KLHL5: variants seen among roughly 807,000 people sequenced by gnomAD.
KLHL5 encodes kelch like family member 5, also known as kelch-like protein 5.
KLHL5 carries 48 observed loss-of-function variants against 77.7 expected under a neutral mutation model. The ratio of observed to expected loss-of-function variants is 0.62; its 90% CI spans 0.49 to 0.79. The LOEUF is 0.79. Ranked by LOEUF, KLHL5 falls within the 30% of genes least tolerant of loss-of-function variation. The pLI, the probability that KLHL5 is intolerant of heterozygous loss-of-function variation, is 0.00. For synonymous variants in KLHL5, 260 were observed against 297.0 expected (o/e 0.88, Z 1.28); for missense variants, 723 against 859.7 (o/e 0.84, Z 1.99).
chr4:39,117,126 T>C (rs908763199), intron 10 of KLHL5, among the ~76,000 whole-genome samples: 3 of 152,070 alleles, frequency 2.0e-5, no homozygotes, highest in Admixed American at 2.0e-4. Flanking sequence ...TGAGCCACCA[T>C]GCCCAGCCCC....
chr4:39,074,369 T>C (rs1381853683), intron 1 of KLHL5, among the ~76,000 whole-genome samples: 1 of 152,218 alleles, frequency 6.6e-6, no homozygotes, highest in Non-Finnish European at 1.5e-5. Flanking sequence ...ATGTGAGTGT[T>C]CTTGCTTGAG....
intron 8 of KLHL5, among the ~76,000 whole-genome samples, chr4:39,108,572 T>C (rs1722214622): frequency 6.6e-6 from 1 of 152,180 alleles, no homozygotes; most frequent in Non-Finnish European, 1.5e-5. Flanking sequence ...TTTTGATACT[T>C]TTTGTAAGCA....
At chr4:39,063,510 A>C (rs1240244346) in intron 1 of KLHL5, 3 of 419,628 alleles carry the variant, frequency 7.1e-6, no homozygotes, top group African/African-American at 6.1e-5. Flanking sequence ...TTTTTGACAC[A>C]ATTGTAGTTG....
At chr4:39,133,870 C>CA in the KLHL5 span, 5 of 152,180 alleles carry the variant, frequency 3.3e-5, no homozygotes, top group African/African-American at 1.2e-4. Flanking sequence ...GTTATGACAA[C>CA]AAAGTTGAAT....
intron 1 of KLHL5, among the ~76,000 whole-genome samples, chr4:39,055,213 C>T (rs1054285964): frequency 1.3e-5 from 2 of 152,200 alleles, no homozygotes; most frequent in African/African-American, 4.8e-5. Context: ...AAGGAGTGCA[C>T]ATTAGAATAT....
chr4:39,116,918 C>A (rs531960487), intron 10 of KLHL5, among the ~76,000 whole-genome samples: 20 of 152,224 alleles, frequency 1.3e-4, no homozygotes, highest in South Asian at 1.2e-3. Flanking sequence ...CTCACTGCAA[C>A]CTTCACCTCC....
At chr4:39,046,888 C>G (rs1716232646) in intron 1 of KLHL5, among the ~76,000 whole-genome samples, 3 of 152,126 alleles carry the variant, frequency 2.0e-5, no homozygotes. Context: ...TGATCTAGAA[C>G]AGTATTTCCC....
rs150252398 is a variant in KLHL5 at position 39,124,211 on chromosome 4, A to G, written c.*3145A>G. ...CTGTGCTGGCAGGTTGGAAGACTTAACATTGTTAAGATGGCATTACTCCCA... is the reference window on the plus strand; with the variant it reads ...CTGTGCTGGCAGGTTGGAAGACTTAGCATTGTTAAGATGGCATTACTCCCA... On this transcript the variant is annotated 3_prime_UTR_variant, in exon 11 of 11. Coordinates refer to ENST00000504108, the MANE Select transcript of KLHL5 (RefSeq NM_015990.5). Among the ~76,000 whole-genome samples the G allele has an allele frequency of 6.6e-6, 1 of 152,196 alleles. No homozygotes were observed. The highest frequency in any genetic ancestry group is 2.4e-5 in the African/African-American group (1 of 41,448).
chr4:39,103,005 C>T (rs1411078720), intron 6 of KLHL5, among the ~76,000 whole-genome samples: 3 of 152,096 alleles, frequency 2.0e-5, no homozygotes, highest in African/African-American at 7.2e-5. Context: ...AACGCCTCTG[C>T]TTTTTTCTCC....
At chr4:39,098,591 T>C (rs1721274815) in intron 6 of KLHL5, among the ~76,000 whole-genome samples, 1 of 149,142 alleles carries the variant, frequency 6.7e-6, no homozygotes, top group Non-Finnish European at 1.5e-5. Flanking sequence ...TGAGATGGAG[T>C]CTCGCTCTAT....
chr4:39,110,564 G>T (rs536236954), intron 8 of KLHL5, among the ~76,000 whole-genome samples: 2 of 152,036 alleles, frequency 1.3e-5, no homozygotes, highest in African/African-American at 4.8e-5. Context: ...CCAGGCTCAA[G>T]CTATCCTCAC....
chr4:39,092,831 G>A (rs908846082), intron 5 of KLHL5, among the ~76,000 whole-genome samples: 9 of 152,064 alleles, frequency 5.9e-5, no homozygotes, highest in African/African-American at 2.2e-4. Flanking sequence ...CCACCTTCCC[G>A]AATGGCTAAA....
rs1394283555 is a variant in KLHL5 at position 39,086,558 on chromosome 4, T to C, written c.944T>C (p.Leu315Ser). Residue 315 changes from leucine to serine, a missense_variant, in exon 5 of 11, where the codon TTA becomes TCA. Around this residue, in one of 3 missense-constraint regions of KLHL5, gnomAD observed 288 missense variants for 400.3 expected, o/e 0.72. Coordinates refer to ENST00000504108, the MANE Select transcript of KLHL5 (RefSeq NM_015990.5). ...EVIRNQEFVL[L>S]PASEIAKLLA... is the part of the protein sequence containing the mutation. The stretch of plus-strand genomic sequence containing the variant: ...ATCAGAAACCAGGAATTTGTATTAT[T>C]ACCAGCCAGCGAAATTGCAAAGCTC... 2 of 1,614,012 alleles carry C rather than the reference T, an allele frequency of 1.2e-6. No homozygotes were observed. The highest frequency in any genetic ancestry group is 2.2e-5 in the East Asian group (1 of 44,862).
Position 39,082,173 on chromosome 4 carries a change from G to T in KLHL5, c.900+14G>T, listed in dbSNP as rs1402366679. 1 of 1,558,084 alleles carries T rather than the reference G, an allele frequency of 6.4e-7. No homozygotes were observed. Among genetic ancestry groups the T allele is most frequent in the Non-Finnish European group, 8.7e-7 (1 of 1,150,988 alleles). ...AATTATACTATGGTATGTATTTTTT[G>T]AAGGTGAGAAAGTCGATCCTCCATA... On this transcript the variant is annotated intron_variant, in intron 4 of 10. Transcript: ENST00000504108.
At chr4:39,098,860 G>A (rs186282593) in intron 6 of KLHL5, among the ~76,000 whole-genome samples, 151 of 151,908 alleles carry the variant, frequency 9.9e-4, no homozygotes, top group African/African-American at 3.5e-3. Flanking sequence ...CACAGTGCCC[G>A]GCCACAACTT....
chr4:39,057,992 T>C (rs1365444681), upstream of KLHL5, among the ~76,000 whole-genome samples: 5 of 152,228 alleles, frequency 3.3e-5, no homozygotes, highest in African/African-American at 1.2e-4. Context: ...CTGAATAGTG[T>C]CATCTTTTAA....
chr4:39,051,370 G>GA (rs34674968), intron 1 of KLHL5, among the ~76,000 whole-genome samples: 113 of 142,396 alleles, frequency 7.9e-4, no homozygotes, highest in Admixed American at 9.0e-4. Flanking sequence ...GGATTTCCCA[G>GA]AAAAAAAAAA....
rs780659881 is a variant in KLHL5, at chr4:39,107,655, C to A, written c.1612C>A (p.Gln538Lys). The A allele has an allele frequency of 3.1e-6, 5 of 1,612,770 alleles. No homozygotes were observed. In the Admixed American group the frequency reaches 8.3e-5, roughly 27 times the overall value. Residue 538 changes from glutamine to lysine, a missense_variant, in exon 8 of 11, where the codon CAG becomes AAG. Gln to Lys is a moderately conservative substitution (Grantham distance 53, BLOSUM62 1). Coordinates refer to ENST00000504108, the MANE Select transcript of KLHL5 (RefSeq NM_015990.5). Reference sequence around the variant, plus strand: ...GAACACAGTGGAAAGATGGGACCCTCAGGCTCGCCAGTGGAATTTTGTTGC... The same window carrying A: ...GAACACAGTGGAAAGATGGGACCCTAAGGCTCGCCAGTGGAATTTTGTTGC... Reference protein sequence around the residue: ...YLNTVERWDPQARQWNFVATM... With the variant: ...YLNTVERWDPKARQWNFVATM...
upstream of KLHL5, among the ~76,000 whole-genome samples, chr4:39,057,468 A>C (rs1347763460): frequency 2.0e-5 from 3 of 152,212 alleles, no homozygotes; most frequent in Non-Finnish European, 4.4e-5. Context: ...TAGATCTCAA[A>C]TCTTTTAGGG....
Sources: allele counts gnomAD v4.1 joint callset (sites outside exome capture counted in the v4.1 genomes callset), GRCh38; gene constraint gnomAD v4.1.1; regional missense constraint gnomAD v4.1.1; transcripts MANE v1.5; gene names NCBI Gene and HGNC (gene_info 2026-07-23, HGNC 2026-07-21).